Variants in RBMS3 observed in about 807,000 individuals in gnomAD.
RBMS3 encodes the protein RNA-binding motif, single-stranded-interacting protein 3.
In RBMS3, 27 loss-of-function variants were observed where a neutral mutation model predicts 66.8. That is an observed-to-expected ratio of 0.40 (90% CI 0.30 to 0.56). The LOEUF (loss-of-function observed/expected upper bound fraction) is 0.56. Ranked by LOEUF, RBMS3 falls within the 20% of genes least tolerant of loss-of-function variation. The pLI is 0.40. For missense variants in RBMS3, 513 were observed against 549.5 expected (o/e 0.93, Z 0.66); for synonymous variants, 188 against 183.0 (o/e 1.03, Z -0.22).
At chr3:29,363,428 A>G (rs2037717532) in intron 1 of RBMS3, among the ~76,000 whole-genome samples, 1 of 152,176 alleles carries the variant, frequency 6.6e-6, no homozygotes, top group Non-Finnish European at 1.5e-5. Context: ...TGTGAAAAGG[A>G]TGATGAAGGC....
rs140362863 is a variant in RBMS3, at chr3:29,755,578, C to T, written c.558-7332C>T. Among the ~76,000 whole-genome samples the T allele has an allele frequency of 2.2e-4, 34 of 152,228 alleles. No individual in the cohort carries two copies. The East Asian group carries it at 4.8e-3, about 22-fold the overall frequency. The stretch of plus-strand genomic sequence containing the variant: ...CCCAGAGAGGAGCAACAGAGGGAAA[C>T]GTTTACCACCCTGAGAGCTCAAGGA... On this transcript the variant is annotated intron_variant, in intron 5 of 14. Coordinates refer to ENST00000383767, the MANE Select transcript of RBMS3 (RefSeq NM_001003793.3).
intron 2 of RBMS3, among the ~76,000 whole-genome samples, chr3:29,487,952 T>C (rs751122951): frequency 6.6e-6 from 1 of 152,182 alleles, no homozygotes; most frequent in Admixed American, 6.5e-5. Flanking sequence ...CCTAATATAG[T>C]GGATTCCCAA....
intron 3 of RBMS3, among the ~76,000 whole-genome samples, chr3:29,505,874 A>G (rs1432855450): frequency 6.6e-6 from 1 of 151,668 alleles, no homozygotes; most frequent in Non-Finnish European, 1.5e-5. Context: ...ATTTTTGGCT[A>G]TTCATTGTTA....
intron 6 of RBMS3, among the ~76,000 whole-genome samples, chr3:29,824,009 T>C (rs1416593647): frequency 6.6e-6 from 1 of 152,132 alleles, no homozygotes; most frequent in Non-Finnish European, 1.5e-5. Context: ...AAAGGAAATT[T>C]AGCCATTAAT....
At chr3:29,997,704 GACAA>G (rs1218584167) in intron 14 of RBMS3, among the ~76,000 whole-genome samples, 28 of 151,964 alleles carry the variant, frequency 1.8e-4, no homozygotes, top group African/African-American at 6.8e-4. Context: ...AAAAGCCTTT[GACAA>G]AATTCAACAA....
intron 10 of RBMS3, among the ~76,000 whole-genome samples, chr3:29,915,607 C>T (rs1346091388): frequency 1.3e-5 from 2 of 151,922 alleles, no homozygotes; most frequent in Non-Finnish European, 2.9e-5. Flanking sequence ...ATTTAACTTT[C>T]CTTCATGTCT....
intron 10 of RBMS3, among the ~76,000 whole-genome samples, chr3:29,931,072 C>T (rs1161028018): frequency 1.3e-5 from 2 of 151,966 alleles, no homozygotes; most frequent in African/African-American, 4.8e-5. Context: ...CAGTGGTGAA[C>T]AAAACAACAT....
chr3:29,343,269 T>C (rs1187999094), intron 1 of RBMS3, among the ~76,000 whole-genome samples: 2 of 152,124 alleles, frequency 1.3e-5, no homozygotes, highest in African/African-American at 4.8e-5. Context: ...TGGGGAGTTT[T>C]TTAAAAGAAA....
At chr3:29,941,534 G>C (rs1361468746) in intron 11 of RBMS3, among the ~76,000 whole-genome samples, 2 of 151,594 alleles carry the variant, frequency 1.3e-5, no homozygotes, top group African/African-American at 4.8e-5. Flanking sequence ...TAAAAAAATT[G>C]GTTTAGTCTT....
intron 4 of RBMS3, among the ~76,000 whole-genome samples, chr3:29,640,853 G>C (rs2049676262): frequency 6.6e-6 from 1 of 151,904 alleles, no homozygotes; most frequent in Admixed American, 6.6e-5. Flanking sequence ...TTACTCCTGT[G>C]TGACCCTGGG....
chr3:29,518,299 C>T (rs929027749), intron 3 of RBMS3, among the ~76,000 whole-genome samples: 1 of 152,276 alleles, frequency 6.6e-6, no homozygotes, highest in African/African-American at 2.4e-5. Context: ...AAATTAATGT[C>T]TTTTGGAAAC....
At chr3:29,343,481 C>T (rs2036398221) in intron 1 of RBMS3, among the ~76,000 whole-genome samples, 1 of 152,050 alleles carries the variant, frequency 6.6e-6, no homozygotes, top group African/African-American at 2.4e-5. Flanking sequence ...ATTTACATAT[C>T]TGTCTAATTA....
chr3:29,797,044 G>A (rs1341453590), intron 6 of RBMS3, among the ~76,000 whole-genome samples: 1 of 151,956 alleles, frequency 6.6e-6, no homozygotes, highest in East Asian at 1.9e-4. Context: ...CATTCCATTA[G>A]CCCCTAATGA....
At chr3:29,741,198 T>G (rs2054627391) in intron 5 of RBMS3, among the ~76,000 whole-genome samples, 1 of 152,232 alleles carries the variant, frequency 6.6e-6, no homozygotes, top group Non-Finnish European at 1.5e-5. Context: ...TTCTCCATAA[T>G]GTATACATAG....
intron 1 of RBMS3, among the ~76,000 whole-genome samples, chr3:29,293,921 T>C (rs1323163137): frequency 1.3e-5 from 2 of 151,700 alleles, no homozygotes; most frequent in Non-Finnish European, 2.9e-5. Context: ...TTCTCTCTTT[T>C]TTTTACAAGG....
chr3:29,636,378 G>T (rs1313096325), intron 4 of RBMS3, among the ~76,000 whole-genome samples: 1 of 151,838 alleles, frequency 6.6e-6, no homozygotes, highest in African/African-American at 2.4e-5. Flanking sequence ...GTTAATGATA[G>T]TTGTAAAGTG....
intron 1 of RBMS3, among the ~76,000 whole-genome samples, chr3:29,360,765 C>A (rs1269997929): frequency 2.0e-5 from 3 of 152,130 alleles, no homozygotes; most frequent in Non-Finnish European, 4.4e-5. Flanking sequence ...GGATAGTTAG[C>A]TCTTCTTGTT....
intron 4 of RBMS3, among the ~76,000 whole-genome samples, chr3:29,591,986 G>T (rs2149101261): frequency 6.6e-6 from 1 of 151,970 alleles, no homozygotes; most frequent in East Asian, 1.9e-4. Context: ...AGCTTGAAAG[G>T]CATAATGTAA....
At chr3:29,817,550 A>C (rs1197043002) in intron 6 of RBMS3, among the ~76,000 whole-genome samples, 1 of 152,110 alleles carries the variant, frequency 6.6e-6, no homozygotes, top group Non-Finnish European at 1.5e-5. Flanking sequence ...ACATAAATTG[A>C]ATTTAGTAAT....
Sources: gnomAD v4.1 joint callset for allele counts (sites outside exome capture counted in the v4.1 genomes callset) on GRCh38, gnomAD v4.1.1 for gene constraint, MANE v1.5 for transcripts, NCBI Gene and HGNC (gene_info 2026-07-23, HGNC 2026-07-21) for gene names.